STAG1: variants seen among roughly 807,000 people sequenced by gnomAD.
The protein encoded by STAG1 is cohesin subunit SA-1.
Under a neutral mutation model 170.9 loss-of-function variants are expected in STAG1, and 26 were observed. The ratio of observed to expected loss-of-function variants is 0.15; its 90% confidence interval spans 0.11 to 0.21. The LOEUF is 0.21. STAG1 is among the 10% of genes least tolerant of loss of function. The pLI is 1.00. For synonymous variants in STAG1, 514 were observed against 497.7 expected (o/e 1.03, Z -0.44); for missense variants, 964 against 1,509.5 (o/e 0.64, Z 5.99).
chr3:136,508,858 G>T (rs1189251117), intron 7 of STAG1, among the ~76,000 whole-genome samples: 1 of 151,930 alleles, frequency 6.6e-6, no homozygotes, highest in Non-Finnish European at 1.5e-5. Context: ...ACGTGTGTAC[G>T]TGTGTGTGTG....
intron 1 of STAG1, among the ~76,000 whole-genome samples, chr3:136,722,001 C>T (rs189986300): frequency 2.0e-5 from 3 of 151,956 alleles, no homozygotes; most frequent in Admixed American, 6.6e-5. Flanking sequence ...AAGGACAGAT[C>T]GCTTGAGCTT....
At chr3:136,630,766 G>GAA (rs1940301271) in intron 2 of STAG1, 104 bp downstream of exon 2, 6 of 831,364 alleles carry the variant, frequency 7.2e-6, no homozygotes, top group Admixed American at 2.4e-5. Flanking sequence ...CAATATCAAA[G>GAA]AACATATTTG....
intron 1 of STAG1, among the ~76,000 whole-genome samples, chr3:136,712,281 G>C (rs762195468): frequency 6.6e-6 from 1 of 152,134 alleles, no homozygotes; most frequent in Non-Finnish European, 1.5e-5. Flanking sequence ...CTCCAAAAGT[G>C]CTGGGATTAC....
At chr3:136,522,994 G>C (rs1419773829) in intron 6 of STAG1, among the ~76,000 whole-genome samples, 1 of 152,102 alleles carries the variant, frequency 6.6e-6, no homozygotes. Flanking sequence ...TTGGTTCTAA[G>C]TCTTTGCTAT....
intron 10 of STAG1, among the ~76,000 whole-genome samples, chr3:136,476,912 C>T (rs2089765112): frequency 6.6e-6 from 1 of 152,000 alleles, no homozygotes; most frequent in African/African-American, 2.4e-5. Context: ...TGATAAAGCA[C>T]TCTACTATGA....
chr3:136,495,034 A>G (rs1414085453), intron 9 of STAG1, among the ~76,000 whole-genome samples: 6 of 152,238 alleles, frequency 3.9e-5, no homozygotes, highest in Admixed American at 3.9e-4. Context: ...AACGAAGAAT[A>G]AAGTAAGACA....
chr3:136,522,104 G>C (rs1934709840), intron 6 of STAG1, among the ~76,000 whole-genome samples: 2 of 152,188 alleles, frequency 1.3e-5, no homozygotes, highest in Admixed American at 6.5e-5. Flanking sequence ...AGACACTTAA[G>C]TACAGAAATG....
At chr3:136,526,722 G>A (rs1313341890) in intron 6 of STAG1, among the ~76,000 whole-genome samples, 1 of 152,174 alleles carries the variant, frequency 6.6e-6, no homozygotes, top group Non-Finnish European at 1.5e-5. Context: ...TTTTTGCAGT[G>A]GCTGGTACTG....
intron 1 of STAG1, among the ~76,000 whole-genome samples, chr3:136,683,069 T>C (rs1359601428): frequency 6.6e-6 from 1 of 152,140 alleles, no homozygotes; most frequent in Non-Finnish European, 1.5e-5. Flanking sequence ...GCCATCAACA[T>C]TCAGAGAGAC....
chr3:136,595,366 A>C (rs1938376049), intron 4 of STAG1, among the ~76,000 whole-genome samples: 1 of 152,066 alleles, frequency 6.6e-6, no homozygotes, highest in Non-Finnish European at 1.5e-5. Flanking sequence ...CATCTTTCCT[A>C]ATCATTCCAG....
chr3:136,532,720 C>T (rs1213577128), intron 6 of STAG1, among the ~76,000 whole-genome samples: 1 of 152,110 alleles, frequency 6.6e-6, no homozygotes, highest in Non-Finnish European at 1.5e-5. Flanking sequence ...TCCAACAACG[C>T]TTCATGATAA....
chr3:136,414,520 T>C (rs2087717817), intron 21 of STAG1, among the ~76,000 whole-genome samples: 1 of 152,198 alleles, frequency 6.6e-6, no homozygotes, highest in African/African-American at 2.4e-5. Context: ...CCACTACATC[T>C]GGGTGACTTC....
intron 2 of STAG1, among the ~76,000 whole-genome samples, chr3:136,627,502 T>G (rs1940158811): frequency 6.6e-6 from 1 of 152,222 alleles, no homozygotes; most frequent in African/African-American, 2.4e-5. Flanking sequence ...TGAATGGCAC[T>G]CCATAATATG....
chr3:136,612,260 A>C (rs933226879), intron 3 of STAG1, among the ~76,000 whole-genome samples: 1 of 152,160 alleles, frequency 6.6e-6, no homozygotes, highest in African/African-American at 2.4e-5. Context: ...CTGGAGTCTA[A>C]CAACATGTAG....
chr3:136,543,906 T>C (rs775266457), intron 5 of STAG1, among the ~76,000 whole-genome samples: 1 of 152,196 alleles, frequency 6.6e-6, no homozygotes, highest in African/African-American at 2.4e-5. Flanking sequence ...TTTTTTTTTC[T>C]GATACATTAT....
chr3:136,589,373 CGTGTG>C (rs1938027455), intron 4 of STAG1, among the ~76,000 whole-genome samples: 10 of 151,974 alleles, frequency 6.6e-5, no homozygotes, highest in Admixed American at 5.9e-4. Flanking sequence ...GGTGTGGTGG[CGTGTG>C]CCTGTAATCC....
rs191518732 is a variant in STAG1 at position 136,688,833 on chromosome 3, G to A, written c.-83-57852C>T. Among the ~76,000 whole-genome samples the A allele has an allele frequency of 5.3e-5, 8 of 152,290 alleles. No individual in the cohort carries two copies. The East Asian group carries it at 1.5e-3, about 29-fold the overall frequency. On this transcript the variant is annotated intron_variant, in intron 1 of 33. Coordinates refer to ENST00000383202, the MANE Select transcript of STAG1 (RefSeq NM_005862.3). ...ATTGTTTTTAAAGATGAAAGTTTGT[G>A]AGCCCCAAAGGATGGACAGCTTTCA...
intron 3 of STAG1, among the ~76,000 whole-genome samples, chr3:136,613,546 A>C (rs922219641): frequency 1.3e-5 from 2 of 152,108 alleles, no homozygotes; most frequent in African/African-American, 4.8e-5. Flanking sequence ...GAATGTAATG[A>C]TGCAATCTCA....
intron 20 of STAG1, 92 bp downstream of exon 20, chr3:136,421,001 C>T: frequency 2.8e-6 from 2 of 702,156 alleles, no homozygotes; most frequent in South Asian, 4.8e-5. Context: ...CAATTCATGG[C>T]CTCAAGCAAT....
Sources: gnomAD v4.1 joint callset for allele counts (sites outside exome capture counted in the v4.1 genomes callset) on GRCh38, gnomAD v4.1.1 for gene constraint, MANE v1.5 for transcripts, NCBI Gene and HGNC (gene_info 2026-07-23, HGNC 2026-07-21) for gene names.